The following GRIK2 variants were observed in gnomAD, a reference collection of about 807,000 sequenced individuals.
GRIK2 encodes glutamate receptor ionotropic, kainate 2.
Under a neutral mutation model 100.3 loss-of-function variants are expected in GRIK2, and 32 were observed. That is an observed-to-expected ratio of 0.32 (90% confidence interval 0.24 to 0.43). The LOEUF is 0.43. Ranked by LOEUF, GRIK2 falls within the 20% of genes least tolerant of loss-of-function variation. The pLI is 1.00. For synonymous variants in GRIK2, 417 were observed against 389.4 expected, an observed-to-expected ratio of 1.07 and a Z score of -0.83; for missense variants, 843 against 1,114.9, an observed-to-expected ratio of 0.76 and a Z score of 3.47.
In GRIK2 at chr6:102,069,322, TAATAATAA is replaced by T. The variant is rs1772161274; in HGVS notation, c.*812_*819del. 1 of 147,466 alleles carries T rather than the reference TAATAATAA, an allele frequency of 6.8e-6. No individual in the cohort carries two copies. The highest frequency in any genetic ancestry group is 1.5e-5 in the Non-Finnish European group (1 of 67,018). 9.1% of individuals were successfully genotyped at this position (147,466 alleles called of 1,614,324 possible). A position where few individuals can be genotyped will look rare whatever the true frequency, so the allele number is the denominator to read the frequency against. On this transcript the variant is annotated 3_prime_UTR_variant, in exon 17 of 17. Transcript: ENST00000369134. ...ATAATAATAATAATAATAATAATAA[TAATAATAA>T]TAATAATAAAAGCAGTTGGTTCAGT...
chr6:101,748,059 C>A (rs1776535931), intron 7 of GRIK2, among the ~76,000 whole-genome samples: 1 of 152,058 alleles, frequency 6.6e-6, no homozygotes, highest in East Asian at 1.9e-4. Context: ...TAAAAATAAG[C>A]AAAATTATGT....
intron 2 of GRIK2, among the ~76,000 whole-genome samples, chr6:101,403,941 C>T (rs933731221): frequency 1.3e-5 from 2 of 152,338 alleles, no homozygotes; most frequent in African/African-American, 4.8e-5. Context: ...TTCTCACTTA[C>T]TCTTAAAGCT....
Position 102,001,193 on chromosome 6 carries a change from T to A in GRIK2, c.2086-34148T>A, listed in dbSNP as rs900117664. ...AGGCATTCTTCTTCTTTATTTTTTT[T>A]TTTTTTTCATTTTACTTTAAGTTCC... On this transcript the variant is annotated intron_variant, in intron 14 of 16. Transcript: ENST00000369134. Among the ~76,000 whole-genome samples the A allele has an allele frequency of 3.9e-4, 60 of 152,046 alleles. 1 individual carries two copies. Among genetic ancestry groups the A allele is most frequent in the East Asian group, 1.9e-3 (10 of 5,162 alleles).
At chr6:101,497,245 C>T (rs1048761659) in intron 2 of GRIK2, among the ~76,000 whole-genome samples, 2 of 152,194 alleles carry the variant, frequency 1.3e-5, no homozygotes, top group African/African-American at 2.4e-5. Context: ...ATTCTGTACT[C>T]ACCCTTCCAT....
At chr6:101,991,559 T>G (rs1036249736) in intron 14 of GRIK2, among the ~76,000 whole-genome samples, 1 of 151,306 alleles carries the variant, frequency 6.6e-6, no homozygotes, top group Non-Finnish European at 1.5e-5. Flanking sequence ...TTTTACACCT[T>G]TAATGTACCA....
chr6:101,703,077 A>G (rs555274864), intron 7 of GRIK2, among the ~76,000 whole-genome samples: 10 of 151,940 alleles, frequency 6.6e-5, no homozygotes, highest in Non-Finnish European at 8.8e-5. Context: ...TTCAATCAAT[A>G]TTTGTTGAGT....
At position 101,984,627 on chromosome 6, in the gene GRIK2, A is replaced by T. The variant is rs527998232; in HGVS notation, c.2086-50714A>T. On this transcript the variant is annotated intron_variant, in intron 14 of 16. Transcript: ENST00000369134. ...AATACACATTAAAACACACACACACACACACACACACACACACACACACAC... is the reference window on the plus strand; with the variant it reads ...AATACACATTAAAACACACACACACTCACACACACACACACACACACACAC... Among the ~76,000 whole-genome samples, 4 of 148,098 alleles carry T rather than the reference A, an allele frequency of 2.7e-5. No individual in the cohort carries two copies. In the South Asian group the frequency reaches 8.5e-4, roughly 32 times the overall value.
At chr6:102,007,199 G>C (rs998110925) in intron 14 of GRIK2, among the ~76,000 whole-genome samples, 1 of 152,050 alleles carries the variant, frequency 6.6e-6, no homozygotes, top group African/African-American at 2.4e-5. Context: ...AGAGTTTGTA[G>C]AAAGTCATGA....
chr6:101,965,458 T>G (rs1418352569), intron 14 of GRIK2, among the ~76,000 whole-genome samples: 1 of 152,218 alleles, frequency 6.6e-6, no homozygotes, highest in Non-Finnish European at 1.5e-5. Flanking sequence ...CAGCTTTATC[T>G]GTCATTGTTC....
At chr6:101,442,215 A>T (rs1483990999) in intron 2 of GRIK2, among the ~76,000 whole-genome samples, 1 of 152,140 alleles carries the variant, frequency 6.6e-6, no homozygotes, top group Non-Finnish European at 1.5e-5. Flanking sequence ...CCAGGAAAAG[A>T]TTAGGCTCAC....
At chr6:101,892,437 AT>A (rs1309630451) in intron 12 of GRIK2, among the ~76,000 whole-genome samples, 1 of 152,128 alleles carries the variant, frequency 6.6e-6, no homozygotes, top group East Asian at 1.9e-4. Context: ...CATCTGTATA[AT>A]TATGGTAATC....
intron 14 of GRIK2, among the ~76,000 whole-genome samples, chr6:101,964,801 T>C (rs940489385): frequency 6.6e-6 from 1 of 152,082 alleles, no homozygotes; most frequent in Non-Finnish European, 1.5e-5. Context: ...TTATGGATCC[T>C]AGGCAGGGAG....
At chr6:101,416,225 A>G (rs899873236) in intron 2 of GRIK2, among the ~76,000 whole-genome samples, 1 of 152,212 alleles carries the variant, frequency 6.6e-6, no homozygotes, top group Non-Finnish European at 1.5e-5. Context: ...GACAGGAAAC[A>G]GACATTTAGA....
intron 12 of GRIK2, among the ~76,000 whole-genome samples, chr6:101,916,695 A>T (rs1007098918): frequency 1.3e-5 from 2 of 151,602 alleles, no homozygotes; most frequent in African/African-American, 4.8e-5. Context: ...TACAAAACTG[A>T]ATTTTTATAC....
chr6:101,837,421 C>T lies in GRIK2; in HGVS notation c.1317+18938C>T, dbSNP rs866748306. Among the ~76,000 whole-genome samples the T allele has an allele frequency of 5.8e-4, 88 of 152,206 alleles. 2 individuals are homozygous for T. Among genetic ancestry groups the T allele is most frequent in the Non-Finnish European group, 2.4e-4 (16 of 68,004 alleles). ...CTTACCACACACACTAAGAGGTTAA[C>T]TGTGAGGTGATGGATATGTTAGTCA... On this transcript the variant is annotated intron_variant, in intron 10 of 16. Transcript: ENST00000369134.
At chr6:101,465,329 A>G (rs1277620940) in intron 2 of GRIK2, among the ~76,000 whole-genome samples, 1 of 152,104 alleles carries the variant, frequency 6.6e-6, no homozygotes, top group Non-Finnish European at 1.5e-5. Context: ...GTCCATGTAT[A>G]TATATCATTT....
chr6:101,741,640 G>A (rs189194295), intron 7 of GRIK2, among the ~76,000 whole-genome samples: 2 of 152,294 alleles, frequency 1.3e-5, no homozygotes, highest in African/African-American at 4.8e-5. Context: ...TGTCTCCATG[G>A]CAGCTGAATT....
At chr6:101,686,716 A>G (rs140492222) in intron 7 of GRIK2, among the ~76,000 whole-genome samples, 2 of 152,136 alleles carry the variant, frequency 1.3e-5, no homozygotes, top group Admixed American at 1.3e-4. Flanking sequence ...ATACTCTTCA[A>G]CATGATGATT....
At chr6:101,529,487 A>G (rs1775319522) in intron 2 of GRIK2, among the ~76,000 whole-genome samples, 1 of 152,212 alleles carries the variant, frequency 6.6e-6, no homozygotes, top group East Asian at 1.9e-4. Context: ...TAAGTTACAT[A>G]ATTTATTTGA....
Sources: gnomAD v4.1 joint callset for allele counts (sites outside exome capture counted in the v4.1 genomes callset) on GRCh38, gnomAD v4.1.1 for gene constraint, MANE v1.5 for transcripts, NCBI Gene and HGNC (gene_info 2026-07-23, HGNC 2026-07-21) for gene names.